Variants in ARHGAP10 observed in about 807,000 individuals in gnomAD.
The protein encoded by ARHGAP10 is Rho GTPase activating protein 10, also known as rho GTPase-activating protein 10.
A neutral mutation model predicts 108.6 loss-of-function variants in ARHGAP10; 87 were observed. The ratio of observed to expected loss-of-function variants is 0.80; its 90% CI spans 0.67 to 0.96. The LOEUF is 0.96. Ranked by LOEUF, ARHGAP10 falls within the 40% of genes least tolerant of loss-of-function variation. The pLI, the probability that ARHGAP10 is intolerant of heterozygous loss-of-function variation, is 0.00. For synonymous variants in ARHGAP10, 347 were observed against 341.1 expected, an observed-to-expected ratio of 1.02 and a Z score of -0.19; for missense variants, 939 against 954.5, an observed-to-expected ratio of 0.98 and a Z score of 0.21.
At chr4:147,978,987 A>G (rs1442384872) in intron 18 of ARHGAP10, among the ~76,000 whole-genome samples, 2 of 151,912 alleles carry the variant, frequency 1.3e-5, no homozygotes, top group Non-Finnish European at 2.9e-5. Context: ...GTTTGCAGAT[A>G]TTTTCTCCCG....
rs570087943 is a variant in ARHGAP10, at chr4:148,009,546, T to A, written c.1717-13717T>A. On this transcript the variant is annotated intron_variant, in intron 18 of 22. Coordinates refer to ENST00000336498, the MANE Select transcript of ARHGAP10 (RefSeq NM_024605.4). ...GCAAGGATATAATGTGTTAACAATT[T>A]TAAAGGCCTTGTTAGAATGTAGATG... Among the ~76,000 whole-genome samples the A allele has an allele frequency of 2.0e-5, 3 of 152,262 alleles. No homozygotes were observed. In the East Asian group the frequency reaches 5.8e-4, roughly 29 times the overall value.
At chr4:148,005,327 A>C (rs869763) in intron 18 of ARHGAP10, among the ~76,000 whole-genome samples, 21,776 of 152,044 alleles carry the variant, frequency 0.14, 2,497 homozygotes, top group African/African-American at 0.32. Flanking sequence ...CTCATGGCTG[A>C]AATCTGATCA....
chr4:147,812,463 T>C (rs1732070512), intron 1 of ARHGAP10, among the ~76,000 whole-genome samples: 1 of 152,086 alleles, frequency 6.6e-6, no homozygotes, highest in African/African-American at 2.4e-5. Flanking sequence ...AACAGCCACA[T>C]TTCCAGATTT....
intron 21 of ARHGAP10, 77 bp downstream of exon 21, chr4:148,063,377 T>C: frequency 6.4e-7 from 1 of 1,559,376 alleles, no homozygotes; most frequent in Non-Finnish European, 8.7e-7. Context: ...CAGGTTCTTG[T>C]GTTCTCTGCT....
chr4:148,046,467 T>G (rs1184292971), intron 19 of ARHGAP10, among the ~76,000 whole-genome samples: 1 of 152,212 alleles, frequency 6.6e-6, no homozygotes, highest in African/African-American at 2.4e-5. Context: ...GTCTAATTTA[T>G]TATGCACTAA....
chr4:147,848,298 G>T (rs533434682), intron 4 of ARHGAP10, among the ~76,000 whole-genome samples: 1 of 152,326 alleles, frequency 6.6e-6, no homozygotes, highest in African/African-American at 2.4e-5. Context: ...TTAATGAAGG[G>T]CTACGAATTG....
intron 1 of ARHGAP10, among the ~76,000 whole-genome samples, chr4:147,784,346 T>C (rs1289665819): frequency 7.4e-6 from 1 of 134,914 alleles, no homozygotes; most frequent in East Asian, 2.2e-4. Flanking sequence ...TTAAATTATA[T>C]ATAATTTATA....
At chr4:147,852,810 C>T (rs1733927985) in intron 4 of ARHGAP10, among the ~76,000 whole-genome samples, 1 of 148,802 alleles carries the variant, frequency 6.7e-6, no homozygotes, top group African/African-American at 2.5e-5. Context: ...TCTCCGCCAC[C>T]CAAGTTCAAG....
chr4:148,047,122 GAGC>G (rs1435819430), intron 20 of ARHGAP10, 71 bp downstream of exon 20: 15 of 1,564,032 alleles, frequency 9.6e-6, no homozygotes, highest in Non-Finnish European at 1.1e-5. Flanking sequence ...AAGTTTCCAT[GAGC>G]AGTGACCTGT....
chr4:147,990,996 CAG>C (rs1161663080), intron 18 of ARHGAP10, among the ~76,000 whole-genome samples: 1 of 151,932 alleles, frequency 6.6e-6, no homozygotes, highest in Non-Finnish European at 1.5e-5. Flanking sequence ...GCCTGAGTGA[CAG>C]AGAGAGACCC....
At chr4:147,792,883 C>T (rs1450173111) in intron 1 of ARHGAP10, among the ~76,000 whole-genome samples, 1 of 152,196 alleles carries the variant, frequency 6.6e-6, no homozygotes, top group Non-Finnish European at 1.5e-5. Flanking sequence ...GGCGAGGTGG[C>T]TCACTCCTGT....
chr4:148,002,307 C>T (rs1230788457), intron 18 of ARHGAP10, among the ~76,000 whole-genome samples: 13 of 152,072 alleles, frequency 8.5e-5, no homozygotes, highest in East Asian at 7.7e-4. Flanking sequence ...CTGCTGGATT[C>T]GGTTTGCCAG....
intron 4 of ARHGAP10, among the ~76,000 whole-genome samples, chr4:147,853,739 G>T (rs897353056): frequency 7.4e-5 from 10 of 134,684 alleles, no homozygotes; most frequent in Admixed American, 2.7e-4. Flanking sequence ...TGATTATTAT[G>T]ATTTTTTTTT....
chr4:147,765,987 T>C (rs1017725719), intron 1 of ARHGAP10, among the ~76,000 whole-genome samples: 4 of 152,110 alleles, frequency 2.6e-5, no homozygotes, highest in African/African-American at 9.7e-5. Flanking sequence ...AAGTCCCTTA[T>C]GAAATGGTAG....
intron 20 of ARHGAP10, among the ~76,000 whole-genome samples, chr4:148,047,525 T>C (rs1265680843): frequency 6.6e-6 from 1 of 152,246 alleles, no homozygotes; most frequent in Non-Finnish European, 1.5e-5. Context: ...ATGGTTGACA[T>C]TTGATTTTAT....
chr4:148,067,497 C>G (rs1307800505), intron 22 of ARHGAP10, among the ~76,000 whole-genome samples: 1 of 152,214 alleles, frequency 6.6e-6, no homozygotes, highest in Admixed American at 6.5e-5. Flanking sequence ...AGTGGCCACT[C>G]TAGACAGCTC....
At position 147,844,882 on chromosome 4, in the gene ARHGAP10, G is replaced by A. The variant is rs368699567; in HGVS notation, c.313-2269G>A. On this transcript the variant is annotated intron_variant, in intron 3 of 22. Coordinates refer to ENST00000336498, the MANE Select transcript of ARHGAP10 (RefSeq NM_024605.4). ...TCAGCAGCCAGAGTAATCTTGAAAA[G>A]CTCTAATTATCATTCTGTCAATTCA... Among the ~76,000 whole-genome samples the A allele has an allele frequency of 3.3e-5, 5 of 152,268 alleles. No homozygotes were observed. In the East Asian group the frequency reaches 5.8e-4, roughly 18 times the overall value.
At chr4:148,013,431 G>A (rs1451323516) in intron 18 of ARHGAP10, among the ~76,000 whole-genome samples, 1 of 152,204 alleles carries the variant, frequency 6.6e-6, no homozygotes, top group Non-Finnish European at 1.5e-5. Flanking sequence ...AGTTATGCCT[G>A]TAATCCCAGC....
chr4:147,738,731 C>T (rs1728532620), intron 1 of ARHGAP10, among the ~76,000 whole-genome samples: 1 of 152,146 alleles, frequency 6.6e-6, no homozygotes, highest in Non-Finnish European at 1.5e-5. Flanking sequence ...AGCTGTTCTG[C>T]ACCCTAGACC....
Sources: allele counts gnomAD v4.1 joint callset (sites outside exome capture counted in the v4.1 genomes callset), GRCh38; gene constraint gnomAD v4.1.1; transcripts MANE v1.5; gene names NCBI Gene and HGNC (gene_info 2026-07-23, HGNC 2026-07-21).